Variants in ESF1 observed in about 807,000 individuals in gnomAD.
ESF1 encodes ESF1 homolog.
A neutral mutation model predicts 92.0 loss-of-function variants in ESF1; 58 were observed. The ratio of observed to expected loss-of-function variants is 0.63; its 90% CI spans 0.51 to 0.78. The LOEUF is 0.78. Ranked by LOEUF, ESF1 falls within the 30% of genes least tolerant of loss-of-function variation. The pLI is 0.00. For synonymous variants in ESF1, 321 were observed against 313.7 expected (o/e 1.02, Z -0.24); for missense variants, 922 against 989.1 (o/e 0.93, Z 0.91).
At chr20:13,739,463 T>C (rs754408795) in intron 9 of ESF1, among the ~76,000 whole-genome samples, 1 of 152,200 alleles carries the variant, frequency 6.6e-6, no homozygotes, top group Non-Finnish European at 1.5e-5. Context: ...ACTTTATTTG[T>C]ATGTTTTCTT....
At chr20:13,739,992 T>C (rs1368954949) in intron 9 of ESF1, among the ~76,000 whole-genome samples, 1 of 152,188 alleles carries the variant, frequency 6.6e-6, no homozygotes, top group Non-Finnish European at 1.5e-5. Context: ...CATGCCTGTT[T>C]GGGCTTTGGT....
intron 9 of ESF1, among the ~76,000 whole-genome samples, chr20:13,755,154 G>T (rs1169568459): frequency 6.6e-6 from 1 of 152,286 alleles, no homozygotes; most frequent in East Asian, 1.9e-4. Flanking sequence ...CACAGAGTAG[G>T]TATTCAGTAA....
rs2049837598 is a variant in ESF1, at chr20:13,717,470, C to T, written c.2160G>A (p.Lys720=). 1.2e-6 allele frequency: 2 copies of T among 1,613,912 alleles called. No individual in the cohort carries two copies. Among genetic ancestry groups the T allele is most frequent in the Non-Finnish European group, 8.5e-7 (1 of 1,180,032 alleles). The stretch of plus-strand genomic sequence containing the variant: ...CAATCTTGTTGTAATTGAAGTGTTT[C>T]TTACTGTCCTCGTCCTCATCCATCA... ...LLMMDEDEDS[K]KHFNYNKIVE... is the part of the protein sequence containing the mutation. Residue 720 remains lysine, a synonymous_variant, in exon 13 of 14, where the codon AAG becomes AAA. Coordinates refer to ENST00000617257, the MANE Select transcript of ESF1 (RefSeq NM_001276380.2).
intron 10 of ESF1, among the ~76,000 whole-genome samples, chr20:13,730,864 T>C (rs192487852): frequency 2.6e-5 from 4 of 152,190 alleles, no homozygotes; most frequent in African/African-American, 7.2e-5. Flanking sequence ...ATATCAGGTA[T>C]TCATTTCTTC....
chr20:13,774,988 C>T (rs1488332337), intron 4 of ESF1, among the ~76,000 whole-genome samples, 169 bp downstream of exon 4: 1 of 151,680 alleles, frequency 6.6e-6, no homozygotes, highest in Non-Finnish European at 1.5e-5. Context: ...AATTTCACCT[C>T]TTCCTTTCTA....
At chr20:13,768,222 A>C (rs968081422) in intron 7 of ESF1, among the ~76,000 whole-genome samples, 2 of 152,230 alleles carry the variant, frequency 1.3e-5, no homozygotes, top group Non-Finnish European at 2.9e-5. Flanking sequence ...CTCTGCTACC[A>C]GTCCCTCCTC....
At chr20:13,757,819 AAC>A (rs2147759286) in intron 9 of ESF1, among the ~76,000 whole-genome samples, 1 of 152,318 alleles carries the variant, frequency 6.6e-6, no homozygotes, top group East Asian at 1.9e-4. Context: ...TTTGCTATAA[AAC>A]ACCTCAATCC....
intron 7 of ESF1, 116 bp downstream of exon 7, chr20:13,769,791 A>T (rs539018531): frequency 2.6e-6 from 2 of 770,642 alleles, no homozygotes; most frequent in African/African-American, 3.6e-5. Context: ...GTCTCAAGAA[A>T]AAATAATAAC....
At chr20:13,746,403 T>C (rs2050048821) in intron 9 of ESF1, among the ~76,000 whole-genome samples, 2 of 152,216 alleles carry the variant, frequency 1.3e-5, no homozygotes, top group African/African-American at 4.8e-5. Flanking sequence ...ATGTTCACCC[T>C]TTGACAACTG....
intron 12 of ESF1, among the ~76,000 whole-genome samples, chr20:13,718,161 T>G (rs545798226): frequency 1.4e-4 from 21 of 152,348 alleles, no homozygotes; most frequent in African/African-American, 3.6e-4. Context: ...TCGACCTTTG[T>G]GGATCTTCCT....
At chr20:13,747,342 C>T (rs972286988) in intron 9 of ESF1, among the ~76,000 whole-genome samples, 5 of 150,784 alleles carry the variant, frequency 3.3e-5, no homozygotes, top group African/African-American at 9.8e-5. Context: ...AGGCGGATCA[C>T]GAGGTCAAGA....
chr20:13,751,554 G>A (rs980634074), intron 9 of ESF1, among the ~76,000 whole-genome samples: 1 of 152,090 alleles, frequency 6.6e-6, no homozygotes, highest in Non-Finnish European at 1.5e-5. Context: ...TATTTTAACT[G>A]GAATCCTGTG....
chr20:13,720,574 T>C (rs2049861196), intron 11 of ESF1, among the ~76,000 whole-genome samples: 1 of 152,164 alleles, frequency 6.6e-6, no homozygotes, highest in South Asian at 2.1e-4. Context: ...ATCACTAGCC[T>C]GGGTTCTTGA....
At chr20:13,739,841 G>A (rs2049999702) in intron 9 of ESF1, among the ~76,000 whole-genome samples, 1 of 152,066 alleles carries the variant, frequency 6.6e-6, no homozygotes, top group Admixed American at 6.6e-5. Context: ...GTTGTAATGG[G>A]TTGCTGGCCA....
chr20:13,722,665 CA>C (rs1409319809), intron 11 of ESF1, among the ~76,000 whole-genome samples: 1 of 151,064 alleles, frequency 6.6e-6, no homozygotes, highest in Non-Finnish European at 1.5e-5. Flanking sequence ...GCCTGAGCAA[CA>C]AAGCAAGACC....
At position 13,750,125 on chromosome 20, in the gene ESF1, A is replaced by T. The variant is rs116666093; in HGVS notation, c.1828+9567T>A. 3.8e-3 allele frequency among the ~76,000 whole-genome samples: 574 copies of T among 152,312 alleles called. 3 individuals carry two copies. The highest frequency in any genetic ancestry group is 0.013 in the African/African-American group (526 of 41,554). ...TGAAAAGACATTGAGAAAGGCTGCA[A>T]ATCTTTCAGAGGACAGAAAATGGCA... On this transcript the variant is annotated intron_variant, in intron 9 of 13. Transcript: ENST00000617257.
chr20:13,728,373 C>G lies in ESF1; in HGVS notation c.2038+5G>C. 6.2e-7 allele frequency: 1 copy of G among 1,606,460 alleles called. No individual in the cohort carries two copies. Among genetic ancestry groups the G allele is most frequent in the South Asian group, 1.1e-5 (1 of 89,180 alleles). On this transcript the variant is annotated splice_donor_5th_base_variant and intron_variant, in intron 11 of 13. Transcript: ENST00000617257. Reference sequence around the variant, plus strand: ...GTTGAAAACTACAGATATGAGCTGGCTTACCTATTTGTTTAACTTCTTCAG... The same window carrying G: ...GTTGAAAACTACAGATATGAGCTGGGTTACCTATTTGTTTAACTTCTTCAG...
At chr20:13,762,527 G>C in intron 8 of ESF1, among the ~76,000 whole-genome samples, 1 of 152,128 alleles carries the variant, frequency 6.6e-6, no homozygotes, top group East Asian at 1.9e-4. Context: ...TTCCAGTACT[G>C]AAATTTTACA....
intron 11 of ESF1, 59 bp from the exon 12 acceptor site, chr20:13,719,043 GT>G: frequency 8.4e-7 from 1 of 1,191,646 alleles, no homozygotes; most frequent in Non-Finnish European, 1.2e-6. Flanking sequence ...GCAACATTCT[GT>G]TTATACTAGG....
Sources: allele counts gnomAD v4.1 joint callset (sites outside exome capture counted in the v4.1 genomes callset), GRCh38; gene constraint gnomAD v4.1.1; transcripts MANE v1.5; gene names NCBI Gene and HGNC (gene_info 2026-07-23, HGNC 2026-07-21).